Variants in PTPRT observed in about 807,000 individuals in gnomAD.
PTPRT encodes the protein protein tyrosine phosphatase receptor type T.
Under a neutral mutation model 176.8 loss-of-function variants are expected in PTPRT, and 56 were observed. That is an observed-to-expected ratio of 0.32 (90% CI 0.26 to 0.40). The LOEUF is 0.40. PTPRT is among the 10% of genes least tolerant of loss of function. The probability of loss-of-function intolerance (pLI) is 1.00; values close to 1 mark genes in which losing one functional copy is unlikely to be tolerated. For synonymous variants in PTPRT, 783 were observed against 739.0 expected (o/e 1.06, Z -0.96); for missense variants, 1,540 against 1,908.2 (o/e 0.81, Z 3.60).
At chr20:42,978,730 G>A (rs967671492) in intron 1 of PTPRT, among the ~76,000 whole-genome samples, 15 of 152,282 alleles carry the variant, frequency 9.9e-5, no homozygotes, top group African/African-American at 2.2e-4. Context: ...AGATGGCCAC[G>A]AGAGTGACCT....
At chr20:42,257,733 GC>G (rs1434920972) in intron 13 of PTPRT, among the ~76,000 whole-genome samples, 2 of 146,848 alleles carry the variant, frequency 1.4e-5, no homozygotes, top group East Asian at 4.0e-4. Flanking sequence ...ATGATTGGAA[GC>G]TTCCTGAGGC....
intron 1 of PTPRT, among the ~76,000 whole-genome samples, chr20:42,890,536 A>T (rs986007666): frequency 1.3e-5 from 2 of 152,234 alleles, no homozygotes; most frequent in Non-Finnish European, 2.9e-5. Context: ...CAGAAACCAC[A>T]GAGATACAGA....
chr20:42,110,223 T>G, intron 23 of PTPRT, 110 bp downstream of exon 23: 1 of 1,038,036 alleles, frequency 9.6e-7, no homozygotes. Context: ...AGTTTTTGTA[T>G]CTTTCTTTAG....
chr20:42,333,022 C>A (rs2057990260), intron 11 of PTPRT, among the ~76,000 whole-genome samples: 1 of 152,260 alleles, frequency 6.6e-6, no homozygotes, highest in Admixed American at 6.5e-5. Flanking sequence ...TATTTCATTG[C>A]AACTAAACTT....
intron 7 of PTPRT, among the ~76,000 whole-genome samples, chr20:42,475,353 G>T (rs942920900): frequency 1.3e-5 from 2 of 152,174 alleles, no homozygotes; most frequent in South Asian, 2.1e-4. Context: ...GCTATCAGTT[G>T]CACTCTCTAT....
In PTPRT at chr20:42,199,305, G is replaced by T; in HGVS notation, c.2426C>A (p.Thr809Asn). The T allele has an allele frequency of 1.2e-6, 2 of 1,614,182 alleles. No individual in the cohort carries two copies. The highest frequency in any genetic ancestry group is 1.7e-6 in the Non-Finnish European group (2 of 1,180,016). Reference protein sequence around the residue: ...GPVASADKPTTKLSASRNDEG... With the variant: ...GPVASADKPTNKLSASRNDEG... ...ATCATTGCGGCTGGCGCTGAGCTTGGTGGTGGGTTTGTCGGCAGAGGCCAC... is the reference window on the plus strand; with the variant it reads ...ATCATTGCGGCTGGCGCTGAGCTTGTTGGTGGGTTTGTCGGCAGAGGCCAC... The change falls in exon 16 of 31, where the codon ACC (threonine) becomes AAC (asparagine). Residue 809 changes from threonine (T) to asparagine (N), a missense_variant. This residue lies in a region of PTPRT where 255 missense variants were observed against 250.1 expected (regional missense o/e 1.02). Coordinates refer to ENST00000373187, the MANE Select transcript of PTPRT (RefSeq NM_007050.6).
intron 2 of PTPRT, among the ~76,000 whole-genome samples, chr20:42,844,527 C>G (rs6016903): frequency 1.3e-5 from 2 of 151,996 alleles, no homozygotes; most frequent in Admixed American, 6.6e-5. Context: ...TCTTCATGGT[C>G]CAGAAAGTCT....
At chr20:42,820,035 C>G (rs1465357449) in intron 2 of PTPRT, among the ~76,000 whole-genome samples, 1 of 152,180 alleles carries the variant, frequency 6.6e-6, no homozygotes, top group African/African-American at 2.4e-5. Flanking sequence ...CAAGGATATT[C>G]AGGAGTTGAA....
chr20:42,432,924 AG>A (rs2059228038), intron 9 of PTPRT, among the ~76,000 whole-genome samples: 2 of 152,174 alleles, frequency 1.3e-5, no homozygotes, highest in Non-Finnish European at 2.9e-5. Context: ...ACACTTTCTC[AG>A]GATCTCTTGA....
In PTPRT at chr20:43,128,863, G is replaced by C. The variant is rs1281059014; in HGVS notation, c.88+60783C>G. ...CAGCTGCCCACACTGTAAGCTGAGG[G>C]AAGATGCCCCAAGTCATTCTCAAAC... On this transcript the variant is annotated intron_variant, in intron 1 of 30. Transcript: ENST00000373187. Among the ~76,000 whole-genome samples the C allele has an allele frequency of 2.0e-5, 3 of 152,314 alleles. No individual in the cohort carries two copies. The South Asian group carries it at 6.2e-4, about 32-fold the overall frequency.
At chr20:42,128,318 C>G (rs180897015) in intron 19 of PTPRT, among the ~76,000 whole-genome samples, 1 of 152,124 alleles carries the variant, frequency 6.6e-6, no homozygotes, top group East Asian at 1.9e-4. Context: ...CTACTTTGCC[C>G]TGGAATTATT....
At chr20:42,980,076 GT>G (rs1320193682) in intron 1 of PTPRT, among the ~76,000 whole-genome samples, 5 of 152,078 alleles carry the variant, frequency 3.3e-5, no homozygotes, top group African/African-American at 1.2e-4. Context: ...GCAAAACGTG[GT>G]GTGGTTAATC....
At chr20:42,748,889 G>A (rs2076728614) in intron 6 of PTPRT, among the ~76,000 whole-genome samples, 1 of 152,156 alleles carries the variant, frequency 6.6e-6, no homozygotes, top group African/African-American at 2.4e-5. Flanking sequence ...GACGGTCACA[G>A]CAGTTACTCA....
intron 7 of PTPRT, among the ~76,000 whole-genome samples, chr20:42,479,798 C>T (rs2071354466): frequency 6.6e-6 from 1 of 152,188 alleles, no homozygotes; most frequent in African/African-American, 2.4e-5. Flanking sequence ...GTAAGTATAA[C>T]ACAAATCTTC....
intron 1 of PTPRT, among the ~76,000 whole-genome samples, chr20:43,147,932 T>A (rs2014220402): frequency 6.6e-6 from 1 of 152,150 alleles, no homozygotes; most frequent in Admixed American, 6.5e-5. Context: ...ATTTGACCCA[T>A]CTAGATTCTT....
intron 1 of PTPRT, among the ~76,000 whole-genome samples, chr20:43,062,904 G>A (rs936913253): frequency 2.0e-5 from 3 of 152,146 alleles, no homozygotes; most frequent in Non-Finnish European, 4.4e-5. Context: ...TTTCTCAAGG[G>A]ATATGACATG....
chr20:42,940,831 C>A (rs190443966), intron 1 of PTPRT, among the ~76,000 whole-genome samples: 1 of 152,046 alleles, frequency 6.6e-6, no homozygotes, highest in African/African-American at 2.4e-5. Context: ...CCTGTAATCC[C>A]GGCACTTTGG....
intron 17 of PTPRT, among the ~76,000 whole-genome samples, chr20:42,148,410 A>G (rs1292367874): frequency 6.6e-6 from 1 of 152,156 alleles, no homozygotes; most frequent in African/African-American, 2.4e-5. Context: ...ATAGATCAGC[A>G]AAGTGAGGTC....
At chr20:42,493,226 C>T (rs960849158) in intron 7 of PTPRT, among the ~76,000 whole-genome samples, 15 of 152,164 alleles carry the variant, frequency 9.9e-5, no homozygotes, top group Admixed American at 2.6e-4. Flanking sequence ...AGCAAATTAA[C>T]CATGGCATGC....
Sources: allele counts gnomAD v4.1 joint callset (sites outside exome capture counted in the v4.1 genomes callset), GRCh38; gene constraint gnomAD v4.1.1; regional missense constraint gnomAD v4.1.1; transcripts MANE v1.5; gene names NCBI Gene and HGNC (gene_info 2026-07-23, HGNC 2026-07-21).